TBXAS1: variants seen among roughly 807,000 people sequenced by gnomAD.
TBXAS1 encodes the protein thromboxane A synthase 1.
Under a neutral mutation model 60.7 loss-of-function variants are expected in TBXAS1, and 48 were observed. The observed-to-expected ratio is 0.79, with a 90% CI of 0.63 to 1.01. The LOEUF (loss-of-function observed/expected upper bound fraction) is 1.01, where lower values mean the gene tolerates loss of function less well. Ranked by LOEUF, TBXAS1 falls within the 50% of genes least tolerant of loss-of-function variation. The pLI is 0.00. For missense variants in TBXAS1, 685 were observed against 686.3 expected (o/e 1.00, Z 0.02); for synonymous variants, 287 against 269.7 (o/e 1.06, Z -0.63).
At chr7:139,875,836 C>A (rs1052773750) in intron 3 of TBXAS1, 199 bp downstream of exon 3, 2 of 658,902 alleles carry the variant, frequency 3.0e-6, no homozygotes, top group South Asian at 1.9e-5. Flanking sequence ...GGGTTGCCCA[C>A]GGGGGGACTC....
At chr7:139,905,011 C>T (rs571037488) in intron 3 of TBXAS1, among the ~76,000 whole-genome samples, 1,070 of 65,590 alleles carry the variant, frequency 0.016, 19 homozygotes, top group African/African-American at 0.076. Flanking sequence ...TTCTCTCTTT[C>T]TTTCTTTCTT....
chr7:139,953,587 T>C (rs1008513090), intron 6 of TBXAS1, 131 bp downstream of exon 6: 4 of 847,076 alleles, frequency 4.7e-6, no homozygotes, highest in Non-Finnish European at 5.8e-6. Flanking sequence ...AAAGCATGGA[T>C]GGACTGATTA....
intron 9 of TBXAS1, among the ~76,000 whole-genome samples, chr7:139,971,666 A>G (rs2117446611): frequency 6.6e-6 from 1 of 152,148 alleles, no homozygotes; most frequent in African/African-American, 2.4e-5. Flanking sequence ...CCATGCCCAC[A>G]GTAACCCGTA....
At chr7:139,819,800 G>C (rs547841695) in intron 4 of TBXAS1, among the ~76,000 whole-genome samples, 1 of 152,018 alleles carries the variant, frequency 6.6e-6, no homozygotes, top group South Asian at 2.1e-4. Context: ...ACCACTCTCA[G>C]CCTCCCCAAC....
chr7:139,976,065 A>G (rs1811540668), intron 9 of TBXAS1, among the ~76,000 whole-genome samples: 1 of 152,230 alleles, frequency 6.6e-6, no homozygotes, highest in Non-Finnish European at 1.5e-5. Context: ...ATTTTCCACG[A>G]ATTGCATTTC....
chr7:139,907,650 C>T (rs1240238176), intron 3 of TBXAS1, among the ~76,000 whole-genome samples: 1 of 152,054 alleles, frequency 6.6e-6, no homozygotes, highest in Non-Finnish European at 1.5e-5. Context: ...GAATTGTACT[C>T]TCTAAGTACA....
chr7:139,962,407 A>G, intron 9 of TBXAS1, 174 bp downstream of exon 9: 1 of 758,854 alleles, frequency 1.3e-6, no homozygotes, highest in Non-Finnish European at 2.2e-6. Flanking sequence ...AGCGAAATGA[A>G]ATGTTGAGAA....
chr7:139,857,879 C>A (rs1800691865), intron 1 of TBXAS1, among the ~76,000 whole-genome samples: 1 of 151,950 alleles, frequency 6.6e-6, no homozygotes, highest in Non-Finnish European at 1.5e-5. Flanking sequence ...TACAGGCACA[C>A]ACCACCACAC....
intron 4 of TBXAS1, among the ~76,000 whole-genome samples, chr7:139,919,385 A>G (rs927925468): frequency 1.3e-5 from 2 of 152,214 alleles, no homozygotes; most frequent in South Asian, 2.1e-4. Flanking sequence ...TCACATTACA[A>G]CCACTGAGGT....
chr7:139,782,041 C>T (rs1364603298), intron 2 of TBXAS1, among the ~76,000 whole-genome samples: 1 of 151,460 alleles, frequency 6.6e-6, no homozygotes, highest in Non-Finnish European at 1.5e-5. Context: ...CCAGAGATTG[C>T]TCCAAGCAGA....
At chr7:139,911,342 A>AT (rs1805503484) in intron 4 of TBXAS1, 21 bp downstream of exon 4, 1 of 1,589,000 alleles carries the variant, frequency 6.3e-7, no homozygotes, top group Admixed American at 1.7e-5. Flanking sequence ...TTCTTTCCGC[A>AT]TATAGATGGA....
chr7:139,880,785 A>G (rs1367247271), intron 3 of TBXAS1, among the ~76,000 whole-genome samples: 1 of 152,152 alleles, frequency 6.6e-6, no homozygotes, highest in East Asian at 1.9e-4. Context: ...TCATATACAC[A>G]TCATTGATGT....
chr7:139,856,309 G>A (rs1203156061), intron 1 of TBXAS1, among the ~76,000 whole-genome samples: 1 of 152,142 alleles, frequency 6.6e-6, no homozygotes, highest in African/African-American at 2.4e-5. Flanking sequence ...TTTCCACCAG[G>A]CAAAATGCAG....
chr7:139,822,950 G>T (rs1418062570), intron 4 of TBXAS1, among the ~76,000 whole-genome samples: 1 of 151,910 alleles, frequency 6.6e-6, no homozygotes, highest in Non-Finnish European at 1.5e-5. Context: ...TCCTGCTCTG[G>T]CTTTCCCTGA....
chr7:139,901,363 T>C (rs920657469), intron 3 of TBXAS1, among the ~76,000 whole-genome samples: 1 of 150,178 alleles, frequency 6.7e-6, no homozygotes, highest in African/African-American at 2.4e-5. Flanking sequence ...ACTCCCAAGG[T>C]GACTACTTGG....
chr7:139,987,984 G>A (rs2267703), intron 9 of TBXAS1, among the ~76,000 whole-genome samples: 55,313 of 151,926 alleles, frequency 0.36, 10,982 homozygotes, highest in East Asian at 0.78. Flanking sequence ...TTTGGGAAAG[G>A]TCCTTCTTTT....
chr7:139,946,169 C>T (rs1264061525), intron 5 of TBXAS1, among the ~76,000 whole-genome samples: 1 of 152,070 alleles, frequency 6.6e-6, no homozygotes, highest in Non-Finnish European at 1.5e-5. Flanking sequence ...CCCGTTTCTA[C>T]AAAACATTAA....
chr7:139,913,704 C>T (rs139026795), intron 4 of TBXAS1: 12 of 153,882 alleles, frequency 7.8e-5, no homozygotes, highest in Admixed American at 3.9e-4. Context: ...CACCCCTCCA[C>T]GCAGACTAGG....
chr7:139,841,952 G>A, intron 1 of TBXAS1, among the ~76,000 whole-genome samples: 1 of 152,024 alleles, frequency 6.6e-6, no homozygotes, highest in East Asian at 1.9e-4. Context: ...AGAATAGATT[G>A]ATTTTTTTTA....
Sources: allele counts gnomAD v4.1 joint callset (sites outside exome capture counted in the v4.1 genomes callset), GRCh38; gene constraint gnomAD v4.1.1; transcripts MANE v1.5; gene names NCBI Gene and HGNC (gene_info 2026-07-23, HGNC 2026-07-21).